Variants in RYK observed in about 807,000 individuals in gnomAD.
The protein encoded by RYK is inactive tyrosine-protein kinase RYK.
RYK carries 21 observed loss-of-function variants against 70.2 expected under a neutral mutation model. The ratio of observed to expected loss-of-function variants is 0.30; its 90% confidence interval spans 0.21 to 0.43. The LOEUF (loss-of-function observed/expected upper bound fraction) is 0.43. Among genes scored for constraint, RYK ranks in the 20% least tolerant of loss-of-function variants. RYK has a pLI of 1.00. For missense variants in RYK, 604 were observed against 753.3 expected (o/e 0.80, Z 2.32); for synonymous variants, 267 against 278.0 (o/e 0.96, Z 0.39).
At position 134,188,864 on chromosome 3, in the gene RYK, T is replaced by G. The variant is rs769587020; in HGVS notation, c.1075A>C (p.Lys359Gln). 8.2e-6 allele frequency: 13 copies of G among 1,579,908 alleles called. No homozygotes were observed. The highest frequency in any genetic ancestry group is 1.3e-5 in the African/African-American group (1 of 74,184). ...LIDEKDPNKEKQAFVKTVKDQ... is the reference protein window; with the variant it reads ...LIDEKDPNKEQQAFVKTVKDQ... ...TTAACTGTTTTGACAAATGCTTGTTTTTCTTTATTTGGATCTTTTTCATCT... is the reference window on the plus strand; with the variant it reads ...TTAACTGTTTTGACAAATGCTTGTTGTTCTTTATTTGGATCTTTTTCATCT... Residue 359 changes from lysine to glutamine, a missense_variant, in exon 9 of 15, where the codon AAA becomes CAA. Lys to Gln is a moderately conservative substitution (Grantham distance 53, BLOSUM62 1). This residue lies in a region of RYK where 466 missense variants were observed against 535.9 expected (regional missense o/e 0.87). Transcript: ENST00000623711.
At chr3:134,210,644 T>C (rs1055161422) in intron 3 of RYK, among the ~76,000 whole-genome samples, 1 of 152,226 alleles carries the variant, frequency 6.6e-6, no homozygotes, top group East Asian at 1.9e-4. Flanking sequence ...ATCCATTTCT[T>C]ACAAATACCA....
chr3:134,211,698 G>A, intron 2 of RYK, 91 bp from the exon 3 acceptor site: 3 of 778,286 alleles, frequency 3.9e-6, no homozygotes, highest in South Asian at 1.6e-5. Context: ...ATTAATCAAT[G>A]GATGAGCCTT....
intron 2 of RYK, among the ~76,000 whole-genome samples, chr3:134,218,561 T>G (rs2014630725): frequency 6.6e-6 from 1 of 152,088 alleles, no homozygotes; most frequent in Non-Finnish European, 1.5e-5. Flanking sequence ...AAACGGCATT[T>G]GTGGCAAACA....
At chr3:134,197,563 G>A (rs2013854758) in intron 6 of RYK, among the ~76,000 whole-genome samples, 1 of 152,104 alleles carries the variant, frequency 6.6e-6, no homozygotes, top group African/African-American at 2.4e-5. Context: ...TGCATCTCCA[G>A]TCGTTAGAGC....
chr3:134,196,026 C>T (rs1232597322), intron 6 of RYK, among the ~76,000 whole-genome samples: 1 of 152,130 alleles, frequency 6.6e-6, no homozygotes, highest in Non-Finnish European at 1.5e-5. Context: ...CCAATCCCTC[C>T]CTTTCATCCA....
At chr3:134,193,168 A>G (rs2107669351) in intron 7 of RYK, among the ~76,000 whole-genome samples, 1 of 152,162 alleles carries the variant, frequency 6.6e-6, no homozygotes, top group South Asian at 2.1e-4. Flanking sequence ...TAAAAGATAA[A>G]TAAATTTATT....
At chr3:134,230,829 TTAAC>T (rs1173706161) in intron 1 of RYK, among the ~76,000 whole-genome samples, 4 of 152,196 alleles carry the variant, frequency 2.6e-5, no homozygotes, top group East Asian at 1.9e-4. Flanking sequence ...TATACGTAGT[TTAAC>T]TAATTTTTTT....
At chr3:134,165,115 T>A (rs886459317) in intron 13 of RYK, among the ~76,000 whole-genome samples, 4 of 152,214 alleles carry the variant, frequency 2.6e-5, no homozygotes, top group Non-Finnish European at 5.9e-5. Context: ...CTTTCACATT[T>A]TTTGTCAGAT....
chr3:134,233,197 A>C (rs2015108134), intron 1 of RYK, among the ~76,000 whole-genome samples: 1 of 152,260 alleles, frequency 6.6e-6, no homozygotes, highest in Non-Finnish European at 1.5e-5. Flanking sequence ...TGATCTCACA[A>C]GGTACCAATT....
chr3:134,247,684 A>G (rs1160431049), intron 1 of RYK, among the ~76,000 whole-genome samples: 1 of 151,360 alleles, frequency 6.6e-6, no homozygotes, highest in Non-Finnish European at 1.5e-5. Flanking sequence ...CCTGGGCAAC[A>G]AGAGCGAAAC....
Position 134,158,033 on chromosome 3 carries a change from G to A in RYK, c.*120C>T, listed in dbSNP as rs1380364871. The A allele has an allele frequency of 2.1e-5, 9 of 431,256 alleles. No homozygotes were observed. Among genetic ancestry groups the A allele is most frequent in the East Asian group, 7.0e-5 (2 of 28,492 alleles). 26.7% of individuals were successfully genotyped at this position (431,256 alleles called of 1,614,324 possible). On this transcript the variant is annotated 3_prime_UTR_variant, in exon 15 of 15. Coordinates refer to ENST00000623711, the MANE Select transcript of RYK (RefSeq NM_002958.4). ...AGATTCTAAAGCATTTCTAAGGCAC[G>A]GTGTTCTGGAAGACAAATGTGCTTC...
At chr3:134,211,317 CAGA>C (rs1271733328) in intron 3 of RYK, among the ~76,000 whole-genome samples, 188 bp downstream of exon 3, 1 of 152,142 alleles carries the variant, frequency 6.6e-6, no homozygotes, top group Non-Finnish European at 1.5e-5. Context: ...CAGAGAGTTC[CAGA>C]AGGACAGAAA....
chr3:134,170,230 C>G (rs1364760105), intron 13 of RYK, among the ~76,000 whole-genome samples: 1 of 152,138 alleles, frequency 6.6e-6, no homozygotes, highest in African/African-American at 2.4e-5. Flanking sequence ...AAAATGTGAG[C>G]ACTTTCTAGG....
At chr3:134,218,566 C>T (rs191734271) in intron 2 of RYK, among the ~76,000 whole-genome samples, 14 of 152,214 alleles carry the variant, frequency 9.2e-5, no homozygotes, top group African/African-American at 3.1e-4. Context: ...GCATTTGTGG[C>T]AAACAGCAGC....
intron 1 of RYK, among the ~76,000 whole-genome samples, chr3:134,230,672 G>A (rs2015029795): frequency 6.6e-6 from 1 of 152,208 alleles, no homozygotes. Context: ...GGAGTGGAAG[G>A]GAAACTGTTG....
chr3:134,197,485 T>C (rs555124161), intron 6 of RYK, among the ~76,000 whole-genome samples: 31 of 152,318 alleles, frequency 2.0e-4, no homozygotes, highest in Admixed American at 2.0e-4. Flanking sequence ...CCCTCAAACA[T>C]ATCTTTATAA....
chr3:134,224,177 G>A (rs543926004), intron 1 of RYK, among the ~76,000 whole-genome samples: 14 of 152,262 alleles, frequency 9.2e-5, no homozygotes, highest in African/African-American at 2.4e-5. Context: ...TGTGGAGACC[G>A]GTAGTGGCCC....
In RYK at chr3:134,211,581, C is replaced by T. The variant is rs1268986331; in HGVS notation, c.381G>A (p.Val127=). The change falls in exon 3 of 15, where the codon GTG becomes GTA. Residue 127 remains valine, a synonymous_variant. Coordinates refer to ENST00000623711, the MANE Select transcript of RYK (RefSeq NM_002958.4). ...GCATATCCATTGCCAAAACATTGTCCACTTGGAATCCCAGCTTATATTCAA... is the reference window on the plus strand; with the variant it reads ...GCATATCCATTGCCAAAACATTGTCTACTTGGAATCCCAGCTTATATTCAA... ...SKVEYKLGFQ[V]DNVLAMDMPQ... is the part of the protein sequence containing the mutation. 3 of 1,613,574 alleles carry T rather than the reference C, an allele frequency of 1.9e-6. No individual in the cohort carries two copies. Among genetic ancestry groups the T allele is most frequent in the Non-Finnish European group, 2.5e-6 (3 of 1,179,618 alleles).
chr3:134,206,771 G>A (rs918257764), intron 5 of RYK, among the ~76,000 whole-genome samples: 8 of 152,072 alleles, frequency 5.3e-5, no homozygotes, highest in Admixed American at 6.5e-5. Flanking sequence ...GGAATCAATG[G>A]AAGAACAATG....
Sources: allele counts gnomAD v4.1 joint callset (sites outside exome capture counted in the v4.1 genomes callset), GRCh38; gene constraint gnomAD v4.1.1; regional missense constraint gnomAD v4.1.1; transcripts MANE v1.5; gene names NCBI Gene and HGNC (gene_info 2026-07-23, HGNC 2026-07-21).